Variants in ECT2 observed in about 807,000 individuals in gnomAD.
ECT2 encodes epithelial cell transforming 2, also known as protein ECT2.
A neutral mutation model predicts 116.9 loss-of-function variants in ECT2; 61 were observed. The observed-to-expected ratio is 0.52, with a 90% CI of 0.42 to 0.65. ECT2 has a LOEUF of 0.65. Among genes scored for constraint, ECT2 ranks in the 30% least tolerant of loss-of-function variants. The pLI, the probability that ECT2 is intolerant of heterozygous loss-of-function variation, is 0.00. For missense variants in ECT2, 937 were observed against 1,078.7 expected, an observed-to-expected ratio of 0.87 and a Z score of 1.84; for synonymous variants, 358 against 346.4, an observed-to-expected ratio of 1.03 and a Z score of -0.37.
In ECT2 at chr3:172,762,713, A is replaced by G; in HGVS notation, c.912A>G (p.Gly304=). The G allele has an allele frequency of 6.2e-7, 1 of 1,611,686 alleles. No homozygotes were observed. Residue 304 remains glycine (G), a synonymous_variant, in exon 10 of 25, where the codon GGA becomes GGG. Transcript: ENST00000392692. ...EMQGGKYLPL[G]DERCTHLVVE... The stretch of plus-strand genomic sequence containing the variant: ...TAGGAGGTAAATATTTACCGCTTGG[A>G]GATGAAAGATGCACTCACCTTGTAG...
intron 7 of ECT2, among the ~76,000 whole-genome samples, chr3:172,761,343 G>A (rs1718253155): frequency 6.6e-6 from 1 of 151,946 alleles, no homozygotes; most frequent in African/African-American, 2.4e-5. Context: ...CGTGAAGAAA[G>A]GAGAAATAGA....
intron 18 of ECT2, among the ~76,000 whole-genome samples, chr3:172,796,960 T>C (rs984690276): frequency 2.6e-5 from 4 of 151,724 alleles, no homozygotes; most frequent in Non-Finnish European, 4.4e-5. Context: ...CGCCCAGCCT[T>C]ATTTCTTAAG....
Position 172,802,998 on chromosome 3 carries a change from A to G in ECT2, c.2106+18A>G, listed in dbSNP as rs755603715. The G allele has an allele frequency of 3.7e-6, 6 of 1,601,712 alleles. No homozygotes were observed. The highest frequency in any genetic ancestry group is 3.5e-5 in the Admixed American group (2 of 57,632). On this transcript the variant is annotated intron_variant, in intron 20 of 24. Transcript: ENST00000392692. ...GCCTAGAGGTAAAGATGTACTTCAC[A>G]TAGTATAATAACACTACTGATTTTT...
In ECT2 at chr3:172,751,844, A is replaced by G. The variant is rs73880260; in HGVS notation, c.-23+987A>G. Among the ~76,000 whole-genome samples, 1,052 of 152,276 alleles carry G rather than the reference A, an allele frequency of 6.9e-3. 10 individuals are homozygous for G. The highest frequency in any genetic ancestry group is 0.024 in the African/African-American group (1,017 of 41,546). ...TTTTAAAGGCTTCTGGAATACAGTA[A>G]TTTGAAAAAAAGTGATTAATATATT... On this transcript the variant is annotated intron_variant, in intron 1 of 24. Transcript: ENST00000392692.
intron 11 of ECT2, 38 bp from the exon 12 acceptor site, chr3:172,764,240 C>T (rs1225201624): frequency 6.4e-7 from 1 of 1,557,052 alleles, no homozygotes; most frequent in African/African-American, 1.4e-5. Context: ...AGTAAAGAAC[C>T]ATGGAAGTAA....
chr3:172,757,384 C>T (rs1477913937), intron 5 of ECT2, among the ~76,000 whole-genome samples: 1 of 149,312 alleles, frequency 6.7e-6, no homozygotes, highest in African/African-American at 2.5e-5. Context: ...GATAACTGTA[C>T]ATATGCATAT....
chr3:172,783,757 C>A, intron 15 of ECT2, 42 bp from the exon 16 acceptor site: 1 of 1,291,512 alleles, frequency 7.7e-7, no homozygotes, highest in Non-Finnish European at 1.1e-6. Context: ...CTAAGGGTGA[C>A]AAATGCATAA....
intron 2 of ECT2, 152 bp downstream of exon 2, chr3:172,754,812 C>G (rs1716635155): frequency 1.4e-5 from 9 of 630,156 alleles, no homozygotes; most frequent in Non-Finnish European, 2.1e-5. Flanking sequence ...TACACTATGT[C>G]ATTTTTCTGA....
intron 18 of ECT2, among the ~76,000 whole-genome samples, chr3:172,799,098 CTGT>C (rs1357718271): frequency 6.6e-6 from 1 of 152,080 alleles, no homozygotes; most frequent in African/African-American, 2.4e-5. Context: ...TGTAATACAC[CTGT>C]TGTTAGATTG....
Position 172,820,276 on chromosome 3 carries a change from A to G in ECT2, c.*39A>G, listed in dbSNP as rs1217655577. On this transcript the variant is annotated 3_prime_UTR_variant, in exon 25 of 25. Coordinates refer to ENST00000392692, the MANE Select transcript of ECT2 (RefSeq NM_001258315.2). ...TCTTAAATTATAGAAATGTATAGAC[A>G]CCTCATACTCAAATAAGAAACTGAC... The G allele has an allele frequency of 1.4e-6, 2 of 1,432,286 alleles. No individual in the cohort carries two copies. The highest frequency in any genetic ancestry group is 9.6e-7 in the Non-Finnish European group (1 of 1,037,410). The allele number at this position is 1,432,286 out of a possible 1,614,324, so 88.7% of individuals were successfully genotyped here. A position where few individuals can be genotyped will look rare whatever the true frequency, so the allele number is the denominator to read the frequency against.
intron 1 of ECT2, among the ~76,000 whole-genome samples, chr3:172,753,326 G>C (rs1257571310): frequency 1.3e-5 from 2 of 152,134 alleles, no homozygotes; most frequent in Non-Finnish European, 2.9e-5. Context: ...TTGAAGTCCT[G>C]CCCTCAAGTG....
intron 22 of ECT2, among the ~76,000 whole-genome samples, chr3:172,813,006 A>AT (rs201380988): frequency 0.01 from 1,567 of 152,230 alleles, 32 homozygotes; most frequent in African/African-American, 0.035. Flanking sequence ...CAGAGCTTGA[A>AT]TCACATTCCT....
In ECT2 at chr3:172,820,366, G is replaced by A. The variant is rs1367622240; in HGVS notation, c.*129G>A. On this transcript the variant is annotated 3_prime_UTR_variant, in exon 25 of 25. Coordinates refer to ENST00000392692, the MANE Select transcript of ECT2 (RefSeq NM_001258315.2). Reference sequence around the variant, plus strand: ...AGGAAGATAAATAACACTAAACTATGCTATTTGATTTTTCTTCTTGAAAGA... The same window carrying A: ...AGGAAGATAAATAACACTAAACTATACTATTTGATTTTTCTTCTTGAAAGA... The A allele has an allele frequency of 2.0e-6, 1 of 498,160 alleles. No homozygotes were observed. Among genetic ancestry groups the A allele is most frequent in the African/African-American group, 2.0e-5 (1 of 50,234 alleles). The allele number at this position is 498,160 out of a possible 1,614,324, so 30.9% of individuals were successfully genotyped here. A position where few individuals can be genotyped will look rare whatever the true frequency, so the allele number is the denominator to read the frequency against.
the ECT2 span, chr3:172,829,057 T>C: frequency 1.4e-6 from 1 of 727,046 alleles, no homozygotes; most frequent in East Asian, 2.7e-5. Flanking sequence ...GTGGGAAGGC[T>C]GTTTAGATGA....
rs562648021 is a variant in ECT2, at chr3:172,763,166, A to G, written c.1068+194A>G. ...AATGTGTATTATTTTAACCTAATATATGTTGTTCTGTGCGAATTCTTGGTG... is the reference window on the plus strand; with the variant it reads ...AATGTGTATTATTTTAACCTAATATGTGTTGTTCTGTGCGAATTCTTGGTG... On this transcript the variant is annotated intron_variant, in intron 11 of 24. Coordinates refer to ENST00000392692, the MANE Select transcript of ECT2 (RefSeq NM_001258315.2). Among the ~76,000 whole-genome samples, 17 of 152,328 alleles carry G rather than the reference A, an allele frequency of 1.1e-4. 1 individual carries two copies. In the South Asian group the frequency reaches 3.3e-3, roughly 30 times the overall value.
rs111430926 is a variant in ECT2, at chr3:172,771,786, G to A, written c.1429-2117G>A. On this transcript the variant is annotated intron_variant, in intron 13 of 24. Transcript: ENST00000392692. Reference sequence around the variant, plus strand: ...AGATTTTGAAGATCTGAACTTTTTAGGATAGTATCAGTGTTGATAAGAGGA... The same window carrying A: ...AGATTTTGAAGATCTGAACTTTTTAAGATAGTATCAGTGTTGATAAGAGGA... Among the ~76,000 whole-genome samples, 1,259 of 152,230 alleles carry A rather than the reference G, an allele frequency of 8.3e-3. 15 individuals carry two copies. The highest frequency in any genetic ancestry group is 0.045 in the South Asian group (218 of 4,820).
chr3:172,772,447 C>T (rs535049269), intron 13 of ECT2, among the ~76,000 whole-genome samples: 5 of 152,186 alleles, frequency 3.3e-5, no homozygotes, highest in Non-Finnish European at 5.9e-5. Context: ...CCGCCCACCT[C>T]GGCCTCTCAC....
intron 7 of ECT2, among the ~76,000 whole-genome samples, chr3:172,760,860 A>G (rs898056302): frequency 6.6e-6 from 1 of 151,580 alleles, no homozygotes; most frequent in Non-Finnish European, 1.5e-5. Context: ...AGCTGGGACT[A>G]CAGGTGCGCA....
chr3:172,789,525 A>G (rs931024296), intron 18 of ECT2, among the ~76,000 whole-genome samples: 2 of 152,114 alleles, frequency 1.3e-5, no homozygotes, highest in South Asian at 2.1e-4. Context: ...AAAATAAGAC[A>G]GCAATGAAGT....
Sources: allele counts gnomAD v4.1 joint callset (sites outside exome capture counted in the v4.1 genomes callset), GRCh38; gene constraint gnomAD v4.1.1; transcripts MANE v1.5; gene names NCBI Gene and HGNC (gene_info 2026-07-23, HGNC 2026-07-21).